SEMA3A: variants seen among roughly 807,000 people sequenced by gnomAD.
SEMA3A encodes semaphorin 3A.
A neutral mutation model predicts 97.9 loss-of-function variants in SEMA3A; 29 were observed. The ratio of observed to expected loss-of-function variants is 0.30; its 90% confidence interval spans 0.22 to 0.40. The LOEUF (loss-of-function observed/expected upper bound fraction) is 0.40, where lower values mean the gene tolerates loss of function less well. SEMA3A is among the 10% of genes least tolerant of loss of function. The pLI, the probability that SEMA3A is intolerant of heterozygous loss-of-function variation, is 1.00. For synonymous variants in SEMA3A, 321 were observed against 323.7 expected, an observed-to-expected ratio of 0.99 and a Z score of 0.09; for missense variants, 763 against 951.3, an observed-to-expected ratio of 0.80 and a Z score of 2.60.
At chr7:84,258,374 A>G (rs564874270) in intron 3 of SEMA3A, among the ~76,000 whole-genome samples, 5 of 152,164 alleles carry the variant, frequency 3.3e-5, no homozygotes, top group Admixed American at 6.6e-5. Flanking sequence ...TAATGTTTCT[A>G]CTGAACTCTT....
intron 4 of SEMA3A, among the ~76,000 whole-genome samples, chr7:84,080,376 C>G (rs1283504426): frequency 2.6e-5 from 4 of 151,488 alleles, no homozygotes; most frequent in Non-Finnish European, 5.9e-5. Context: ...AAAGAGACTA[C>G]CTAAAAAAAA....
intron 9 of SEMA3A, among the ~76,000 whole-genome samples, chr7:84,010,164 T>C (rs1790823427): frequency 1.3e-5 from 2 of 152,172 alleles, no homozygotes; most frequent in Non-Finnish European, 2.9e-5. Context: ...AAAAGTAGAT[T>C]TTTTTACAAA....
intron 6 of SEMA3A, among the ~76,000 whole-genome samples, chr7:84,014,555 G>T (rs574469340): frequency 6.2e-4 from 95 of 152,114 alleles, no homozygotes; most frequent in Admixed American, 1.9e-3. Context: ...CTAGAAAAAT[G>T]TATTCATTTT....
intron 2 of SEMA3A, among the ~76,000 whole-genome samples, chr7:84,347,924 G>A (rs184216178): frequency 6.6e-5 from 10 of 152,114 alleles, no homozygotes; most frequent in Non-Finnish European, 4.4e-5. Flanking sequence ...TTGTATTGGC[G>A]CATAGATGAT....
At chr7:84,265,205 C>G (rs1251735643) in intron 3 of SEMA3A, among the ~76,000 whole-genome samples, 1 of 152,020 alleles carries the variant, frequency 6.6e-6, no homozygotes, top group Admixed American at 6.6e-5. Context: ...CATTCCAAAG[C>G]CTGTGAACTT....
chr7:84,228,727 C>T (rs938239999), intron 3 of SEMA3A, among the ~76,000 whole-genome samples: 3 of 152,050 alleles, frequency 2.0e-5, no homozygotes, highest in Admixed American at 6.6e-5. Flanking sequence ...AGTTAAGTAC[C>T]ATGTTCATTT....
intron 4 of SEMA3A, among the ~76,000 whole-genome samples, chr7:84,082,353 G>A (rs971642510): frequency 6.6e-5 from 10 of 152,228 alleles, no homozygotes; most frequent in Admixed American, 4.6e-4. Context: ...AGTGGGAAGT[G>A]GAAAGTCGAA....
At chr7:83,996,796 A>T (rs954708890) in intron 12 of SEMA3A, among the ~76,000 whole-genome samples, 2 of 152,136 alleles carry the variant, frequency 1.3e-5, no homozygotes, top group Admixed American at 1.3e-4. Context: ...TAGTACTTTA[A>T]TGTCAAATTT....
rs1379847066 is a variant in SEMA3A at position 84,190,903 on chromosome 7, T to C, written c.112+3572A>G. On this transcript the variant is annotated intron_variant, in intron 1 of 16. Coordinates refer to ENST00000265362, the MANE Select transcript of SEMA3A (RefSeq NM_006080.3). The stretch of plus-strand genomic sequence containing the variant: ...AATCATAAAATGAAGTTATATTTCC[T>C]ATGTATTGAAATATATGGTATATGT... Among the ~76,000 whole-genome samples the C allele has an allele frequency of 2.0e-5, 3 of 150,726 alleles. 1 individual carries two copies. The highest frequency in any genetic ancestry group is 6.6e-5 in the Admixed American group (1 of 15,098).
At position 84,005,535 on chromosome 7, in the gene SEMA3A, A is replaced by G; in HGVS notation, c.1164T>C (p.Gly388=). The G allele has an allele frequency of 6.2e-7, 1 of 1,613,510 alleles. No individual in the cohort carries two copies. Among genetic ancestry groups the G allele is most frequent in the Non-Finnish European group, 8.5e-7 (1 of 1,179,550 alleles). ...PGTCPSKTFG[G]FDSTKDLPDD... ...CAGGAAGGTCCTTTGTAGAGTCAAA[A>G]CCACCAAATGTTTTGCTGGGACACT... Residue 388 remains glycine, a synonymous_variant, in exon 11 of 17, where the codon GGT becomes GGC. Transcript: ENST00000265362.
chr7:83,973,234 T>A (rs1239416826), intron 15 of SEMA3A, among the ~76,000 whole-genome samples: 3 of 152,278 alleles, frequency 2.0e-5, no homozygotes, highest in Admixed American at 6.5e-5. Flanking sequence ...TTTAATCTCT[T>A]TCTAACCAGA....
At chr7:84,150,259 G>A (rs1796589159) in intron 1 of SEMA3A, among the ~76,000 whole-genome samples, 1 of 152,208 alleles carries the variant, frequency 6.6e-6, no homozygotes, top group South Asian at 2.1e-4. Context: ...AACAGGAACA[G>A]CTCCAGTCTA....
chr7:84,478,051 C>T (rs77169407), intron 1 of SEMA3A, among the ~76,000 whole-genome samples: 1 of 152,276 alleles, frequency 6.6e-6, no homozygotes, highest in East Asian at 1.9e-4. Flanking sequence ...TCATGTTACA[C>T]TGGTTTGTTA....
At chr7:84,375,283 G>C (rs1272086823) in intron 1 of SEMA3A, among the ~76,000 whole-genome samples, 2 of 152,146 alleles carry the variant, frequency 1.3e-5, no homozygotes, top group Non-Finnish European at 2.9e-5. Context: ...GCCTCCAAAA[G>C]TGCTGGGATT....
chr7:84,388,702 T>A (rs1803464042), intron 1 of SEMA3A, among the ~76,000 whole-genome samples: 1 of 152,014 alleles, frequency 6.6e-6, no homozygotes, highest in African/African-American at 2.4e-5. Flanking sequence ...TTATAAATAA[T>A]AGAAGCACAA....
At chr7:84,174,679 GA>G (rs1286022128) in intron 1 of SEMA3A, among the ~76,000 whole-genome samples, 1 of 152,094 alleles carries the variant, frequency 6.6e-6, no homozygotes, top group Non-Finnish European at 1.5e-5. Context: ...CAAAAACAAT[GA>G]AAGTTTTTAT....
chr7:84,055,135 C>T (rs1792898037), intron 5 of SEMA3A, among the ~76,000 whole-genome samples: 1 of 152,032 alleles, frequency 6.6e-6, no homozygotes, highest in African/African-American at 2.4e-5. Flanking sequence ...TTTAAGTCTG[C>T]AGAGGTTACT....
intron 12 of SEMA3A, among the ~76,000 whole-genome samples, chr7:83,996,867 T>A (rs1361362258): frequency 6.6e-6 from 1 of 152,306 alleles, no homozygotes; most frequent in East Asian, 1.9e-4. Flanking sequence ...CAGTTTTATT[T>A]CACCTCTTAT....
intron 12 of SEMA3A, among the ~76,000 whole-genome samples, chr7:83,991,488 C>A (rs191726613): frequency 1.3e-5 from 2 of 150,228 alleles, no homozygotes. Flanking sequence ...TTTTGAAATA[C>A]GTCCCATCAA....
Sources: gnomAD v4.1 joint callset for allele counts (sites outside exome capture counted in the v4.1 genomes callset) on GRCh38, gnomAD v4.1.1 for gene constraint, MANE v1.5 for transcripts, NCBI Gene and HGNC (gene_info 2026-07-23, HGNC 2026-07-21) for gene names.